Variants in TMEM132D observed in about 807,000 individuals in gnomAD.
The protein encoded by TMEM132D is transmembrane protein 132D.
Under a neutral mutation model 62.3 loss-of-function variants are expected in TMEM132D, and 21 were observed. That is an observed-to-expected ratio of 0.34 (90% CI 0.24 to 0.49). The LOEUF (loss-of-function observed/expected upper bound fraction) is 0.49, where lower values mean the gene tolerates loss of function less well. Among genes scored for constraint, TMEM132D ranks in the 20% least tolerant of loss-of-function variants. TMEM132D has a pLI of 0.99. For synonymous variants in TMEM132D, 621 were observed against 575.6 expected, an observed-to-expected ratio of 1.08 and a Z score of -1.13; for missense variants, 1,346 against 1,402.8, an observed-to-expected ratio of 0.96 and a Z score of 0.65.
At chr12:129,229,908 T>A (rs961417782) in intron 4 of TMEM132D, among the ~76,000 whole-genome samples, 1 of 152,156 alleles carries the variant, frequency 6.6e-6, no homozygotes, top group Non-Finnish European at 1.5e-5. Context: ...AACCCAAAAG[T>A]CATTTGCAGT....
intron 8 of TMEM132D, among the ~76,000 whole-genome samples, chr12:129,075,634 C>T (rs967047703): frequency 6.6e-6 from 1 of 152,192 alleles, no homozygotes; most frequent in Non-Finnish European, 1.5e-5. Context: ...GTCCTGGCCT[C>T]AGGCCATAGT....
chr12:129,609,187 T>G (rs970367940), intron 2 of TMEM132D, among the ~76,000 whole-genome samples: 1 of 152,024 alleles, frequency 6.6e-6, no homozygotes, highest in African/African-American at 2.4e-5. Flanking sequence ...TCAGGCGATC[T>G]GCCAACCTTG....
intron 3 of TMEM132D, among the ~76,000 whole-genome samples, chr12:129,401,956 T>G (rs1024052484): frequency 7.2e-5 from 11 of 152,134 alleles, no homozygotes; most frequent in African/African-American, 2.7e-4. Context: ...TCTGTGACAA[T>G]GAGTGGCTGC....
chr12:129,144,744 CATCT>C (rs1393293682), intron 5 of TMEM132D, among the ~76,000 whole-genome samples: 2 of 152,116 alleles, frequency 1.3e-5, no homozygotes, highest in Non-Finnish European at 2.9e-5. Flanking sequence ...ATTCATCTAA[CATCT>C]ATCTAACCAA....
At chr12:129,470,130 C>T (rs1296697628) in intron 3 of TMEM132D, among the ~76,000 whole-genome samples, 2 of 152,170 alleles carry the variant, frequency 1.3e-5, no homozygotes, top group Non-Finnish European at 2.9e-5. Flanking sequence ...CTCCAGATCT[C>T]TCTATAGACA....
At chr12:129,676,930 C>T (rs527913837) in intron 2 of TMEM132D, among the ~76,000 whole-genome samples, 1 of 152,184 alleles carries the variant, frequency 6.6e-6, no homozygotes, top group Non-Finnish European at 1.5e-5. Flanking sequence ...TTCAACTATC[C>T]TATCCCGCCT....
chr12:129,311,530 T>C (rs1252483879), intron 4 of TMEM132D, among the ~76,000 whole-genome samples: 2 of 152,166 alleles, frequency 1.3e-5, no homozygotes, highest in Non-Finnish European at 2.9e-5. Context: ...ACAAGCTCCC[T>C]GTGTTTAAAA....
rs1187546265 is a variant in TMEM132D, at chr12:129,899,192, GATGA to G, written c.79+4065_79+4068del. On this transcript the variant is annotated intron_variant, in intron 1 of 8. Transcript: ENST00000422113. ...GGATGGGTGGATAGAAGGATGGAAT[GATGA>G]ATGAATGGATGGATGGGCAGACAGA... is the stretch of plus-strand genomic sequence containing the variant. Among the ~76,000 whole-genome samples, 47 of 133,516 alleles carry G rather than the reference GATGA, an allele frequency of 3.5e-4. 8 individuals are homozygous for G. The highest frequency in any genetic ancestry group is 1.2e-3 in the African/African-American group (37 of 29,894). The allele number at this position is 133,516 out of a possible 152,430, so 87.6% of individuals were successfully genotyped here. A position where few individuals can be genotyped will look rare whatever the true frequency, so the allele number is the denominator to read the frequency against.
chr12:129,499,801 C>T (rs1052631501), intron 3 of TMEM132D, among the ~76,000 whole-genome samples: 3 of 152,154 alleles, frequency 2.0e-5, no homozygotes, highest in Admixed American at 6.5e-5. Flanking sequence ...AGTCATGGGG[C>T]GATTAAGGAG....
At chr12:129,892,761 G>GC (rs1377981797) in intron 1 of TMEM132D, among the ~76,000 whole-genome samples, 7 of 152,138 alleles carry the variant, frequency 4.6e-5, no homozygotes, top group Admixed American at 2.6e-4. Context: ...GTTACTAGGA[G>GC]CCCAGAACCC....
chr12:129,235,890 A>G (rs1268396110), intron 4 of TMEM132D, among the ~76,000 whole-genome samples: 1 of 152,134 alleles, frequency 6.6e-6, no homozygotes, highest in Non-Finnish European at 1.5e-5. Flanking sequence ...GAGAAATGCC[A>G]TTGGAATTTC....
intron 3 of TMEM132D, among the ~76,000 whole-genome samples, chr12:129,375,069 G>A (rs867271295): frequency 1.6e-4 from 24 of 152,288 alleles, no homozygotes; most frequent in East Asian, 3.9e-4. Flanking sequence ...TTTTCAAAGC[G>A]GGGTAAATCT....
intron 4 of TMEM132D, among the ~76,000 whole-genome samples, chr12:129,229,116 C>T (rs1402043598): frequency 6.6e-6 from 1 of 152,186 alleles, no homozygotes; most frequent in Non-Finnish European, 1.5e-5. Context: ...CCAGCTGTGC[C>T]AACGTTGTCC....
chr12:129,178,437 T>G (rs111337399), intron 5 of TMEM132D, among the ~76,000 whole-genome samples: 318 of 137,236 alleles, frequency 2.3e-3, no homozygotes, highest in African/African-American at 8.0e-3. Context: ...GCATCTGTTT[T>G]TTTTTTTTTT....
At chr12:129,331,830 G>T (rs1447427338) in intron 4 of TMEM132D, among the ~76,000 whole-genome samples, 1 of 152,204 alleles carries the variant, frequency 6.6e-6, no homozygotes, top group East Asian at 1.9e-4. Context: ...AGTTAGGAGA[G>T]AAGGACGTTG....
chr12:129,521,931 A>G (rs1875860220), intron 3 of TMEM132D: 1 of 150,056 alleles, frequency 6.7e-6, no homozygotes, highest in Non-Finnish European at 1.5e-5. Context: ...TTTTTTTCCG[A>G]TGATGGAAAA....
chr12:129,545,000 C>A (rs958595825), intron 2 of TMEM132D, among the ~76,000 whole-genome samples: 5 of 152,230 alleles, frequency 3.3e-5, no homozygotes, highest in Admixed American at 2.6e-4. Flanking sequence ...TTCATAGTAT[C>A]CATTTTGGGC....
intron 3 of TMEM132D, among the ~76,000 whole-genome samples, chr12:129,396,188 A>G (rs912812015): frequency 6.6e-6 from 1 of 152,136 alleles, no homozygotes; most frequent in African/African-American, 2.4e-5. Context: ...TAAAATTAGC[A>G]TAAACACACT....
chr12:129,758,429 ATAAAAT>A (rs1015228874), intron 1 of TMEM132D, among the ~76,000 whole-genome samples: 1 of 152,126 alleles, frequency 6.6e-6, no homozygotes, highest in African/African-American at 2.4e-5. Flanking sequence ...TTCCTCCTTA[ATAAAAT>A]TAAAATTAAT....
Sources: allele counts gnomAD v4.1 joint callset (sites outside exome capture counted in the v4.1 genomes callset), GRCh38; gene constraint gnomAD v4.1.1; transcripts MANE v1.5; gene names NCBI Gene and HGNC (gene_info 2026-07-23, HGNC 2026-07-21).